Variants in LOXHD1 observed in about 807,000 individuals in gnomAD.
LOXHD1 encodes the protein lipoxygenase homology PLAT domains 1.
A neutral mutation model predicts 248.2 loss-of-function variants in LOXHD1; 205 were observed. The observed-to-expected ratio is 0.83, with a 90% confidence interval of 0.74 to 0.93. The LOEUF is 0.93. LOXHD1 is among the 40% of genes least tolerant of loss of function. LOXHD1 has a pLI of 0.00. For missense variants in LOXHD1, 2,930 were observed against 2,971.6 expected, an observed-to-expected ratio of 0.99 and a Z score of 0.33; for synonymous variants, 1,113 against 1,162.8, an observed-to-expected ratio of 0.96 and a Z score of 0.87.
chr18:46,615,502 G>T (rs1432254690), intron 5 of LOXHD1, among the ~76,000 whole-genome samples: 2 of 152,104 alleles, frequency 1.3e-5, no homozygotes, highest in Non-Finnish European at 2.9e-5. Flanking sequence ...TTAGACATAT[G>T]CTTTTTAATT....
At chr18:46,655,427 G>A (rs1178861247) in intron 1 of LOXHD1, among the ~76,000 whole-genome samples, 1 of 152,246 alleles carries the variant, frequency 6.6e-6, no homozygotes, top group African/African-American at 2.4e-5. Context: ...GCTGCTGGCT[G>A]TGAGAGGTTC....
intron 8 of LOXHD1, among the ~76,000 whole-genome samples, chr18:46,598,388 T>C (rs2038289109): frequency 6.6e-6 from 1 of 152,082 alleles, no homozygotes; most frequent in Non-Finnish European, 1.5e-5. Flanking sequence ...GCAGCTCCTT[T>C]AGTATCAGAA....
At chr18:46,640,558 A>T (rs2038950555) in intron 3 of LOXHD1, among the ~76,000 whole-genome samples, 1 of 152,236 alleles carries the variant, frequency 6.6e-6, no homozygotes, top group South Asian at 2.1e-4. Context: ...TAGAATTTTA[A>T]TAATATGTTT....
Position 46,541,939 on chromosome 18 carries a change from G to A in LOXHD1, c.3750C>T (p.Gly1250=). The change falls in exon 25 of 41, where the codon GGC becomes GGT. Residue 1250 remains glycine, a splice_region_variant and synonymous_variant. Transcript: ENST00000642948. ...WKVRLGHDNT[G]KAPGWFVDWV... ...AGTCTACAAACCAGCCTGGGGCCTT[G>A]CCTAGAGAGAGAGGAGACACAAAAC... 15 of 1,550,246 alleles carry A rather than the reference G, an allele frequency of 9.7e-6. No individual in the cohort carries two copies. Among genetic ancestry groups the A allele is most frequent in the Non-Finnish European group, 1.3e-5 (15 of 1,146,074 alleles).
chr18:46,484,552 G>A (rs1354933920), intron 39 of LOXHD1, among the ~76,000 whole-genome samples: 1 of 152,176 alleles, frequency 6.6e-6, no homozygotes, highest in Non-Finnish European at 1.5e-5. Context: ...CTAGAACTGT[G>A]AGAAATACAT....
At chr18:46,553,849 TG>T (rs1310762097) in intron 21 of LOXHD1, among the ~76,000 whole-genome samples, 2 of 152,172 alleles carry the variant, frequency 1.3e-5, no homozygotes, top group Non-Finnish European at 2.9e-5. Flanking sequence ...GAAGAAAGCA[TG>T]ACAGGGAGCC....
chr18:46,592,671 T>C, intron 10 of LOXHD1, 87 bp from the exon 11 acceptor site: 1 of 1,100,008 alleles, frequency 9.1e-7, no homozygotes, highest in Non-Finnish European at 1.4e-6. Flanking sequence ...GGAGGGTACC[T>C]GCTTTGGGCT....
intron 12 of LOXHD1, 36 bp from the exon 13 acceptor site, chr18:46,579,820 C>G (rs1481895816): frequency 1.3e-6 from 2 of 1,533,308 alleles, no homozygotes; most frequent in South Asian, 1.2e-5. Flanking sequence ...TTGCTGACAG[C>G]CCCCTGCTTC....
chr18:46,577,774 G>T lies in LOXHD1; in HGVS notation c.1903C>A (p.Leu635Met), dbSNP rs1057195292. ...TCCTCTCTCACCAGCACTCTGTCCA[G>T]GTACCAGCCGCTGCCGGAGCCTTTG... ...DGKGSGSGWY[L>M]DRVLVREEGQ... Residue 635 changes from leucine to methionine, a missense_variant, in exon 14 of 41, where the codon CTG becomes ATG. Coordinates refer to ENST00000642948, the MANE Select transcript of LOXHD1 (RefSeq NM_001384474.1). 1.2e-5 allele frequency: 19 copies of T among 1,551,558 alleles called. No individual in the cohort carries two copies. The Admixed American group carries it at 3.5e-4, about 29-fold the overall frequency.
At chr18:46,570,263 T>C (rs971535839) in intron 15 of LOXHD1, among the ~76,000 whole-genome samples, 4 of 152,198 alleles carry the variant, frequency 2.6e-5, no homozygotes, top group Non-Finnish European at 5.9e-5. Flanking sequence ...ATTATCGGTC[T>C]TCAGGGACAA....
At chr18:46,519,785 G>C (rs1310428144) in intron 33 of LOXHD1, among the ~76,000 whole-genome samples, 1 of 152,140 alleles carries the variant, frequency 6.6e-6, no homozygotes, top group Non-Finnish European at 1.5e-5. Flanking sequence ...CTCTTTTTAT[G>C]TAATAAGTGT....
intron 12 of LOXHD1, among the ~76,000 whole-genome samples, chr18:46,587,990 CA>C (rs2100047405): frequency 6.6e-6 from 1 of 152,146 alleles, no homozygotes; most frequent in Non-Finnish European, 1.5e-5. Context: ...ACTTCAAACT[CA>C]GAGAAATTAT....
intron 3 of LOXHD1, among the ~76,000 whole-genome samples, chr18:46,640,481 A>G (rs1238803589): frequency 6.6e-6 from 1 of 152,254 alleles, no homozygotes; most frequent in African/African-American, 2.4e-5. Flanking sequence ...TGAGTCACAC[A>G]TGTGAGCCAC....
At chr18:46,625,970 C>T (rs1350600203) in intron 4 of LOXHD1, among the ~76,000 whole-genome samples, 4 of 152,188 alleles carry the variant, frequency 2.6e-5, no homozygotes, top group Non-Finnish European at 1.5e-5. Flanking sequence ...AGAACACCAG[C>T]ACTTCTTGTA....
At chr18:46,601,085 C>G (rs191993527) in intron 8 of LOXHD1, 132 bp downstream of exon 8, 2 of 1,234,428 alleles carry the variant, frequency 1.6e-6, no homozygotes, top group Admixed American at 5.4e-5. Context: ...ACCCAAAATG[C>G]CCAATGAAAG....
At chr18:46,497,025 A>G (rs2033916631) in intron 37 of LOXHD1, among the ~76,000 whole-genome samples, 1 of 152,186 alleles carries the variant, frequency 6.6e-6, no homozygotes, top group Non-Finnish European at 1.5e-5. Context: ...AAACAAAAAA[A>G]TAAGGATACA....
intron 26 of LOXHD1, among the ~76,000 whole-genome samples, chr18:46,536,261 T>C (rs4890669): frequency 0.32 from 48,416 of 152,110 alleles, 9,466 homozygotes; most frequent in East Asian, 0.58. Flanking sequence ...CTGGTCAACA[T>C]CTTTTCTTAG....
At chr18:46,601,584 C>CT in intron 7 of LOXHD1, 117 bp from the exon 8 acceptor site, 2 of 1,367,118 alleles carry the variant, frequency 1.5e-6, no homozygotes, top group South Asian at 1.3e-5. Context: ...CACACATCCT[C>CT]TTTCCCCATC....
chr18:46,515,814 G>C (rs1022525104), intron 34 of LOXHD1, among the ~76,000 whole-genome samples: 1 of 152,144 alleles, frequency 6.6e-6, no homozygotes, highest in African/African-American at 2.4e-5. Context: ...AAGAAACCAC[G>C]GTCTCTACAG....
Sources: allele counts gnomAD v4.1 joint callset (sites outside exome capture counted in the v4.1 genomes callset), GRCh38; gene constraint gnomAD v4.1.1; transcripts MANE v1.5; gene names NCBI Gene and HGNC (gene_info 2026-07-23, HGNC 2026-07-21).